Variants in FGD5 observed in about 807,000 individuals in gnomAD.
The protein encoded by FGD5 is FYVE, RhoGEF and PH domain-containing protein 5.
Under a neutral mutation model 133.4 loss-of-function variants are expected in FGD5, and 28 were observed. The observed-to-expected ratio is 0.21, with a 90% confidence interval of 0.16 to 0.29. FGD5 has a LOEUF of 0.29. Among genes scored for constraint, FGD5 ranks in the 10% least tolerant of loss-of-function variants. The probability of loss-of-function intolerance (pLI) is 1.00; values close to 1 mark genes in which losing one functional copy is unlikely to be tolerated. For synonymous variants in FGD5, 810 were observed against 776.5 expected (o/e 1.04, Z -0.72); for missense variants, 1,858 against 1,895.2 (o/e 0.98, Z 0.36).
At chr3:14,844,599 C>T (rs745790746) in intron 1 of FGD5, among the ~76,000 whole-genome samples, 43 of 151,964 alleles carry the variant, frequency 2.8e-4, no homozygotes, top group Admixed American at 7.2e-4. Flanking sequence ...AGGTAGGTTG[C>T]GGTGCTGAAT....
At chr3:14,823,538 T>C (rs2036544812) in intron 1 of FGD5, among the ~76,000 whole-genome samples, 1 of 152,222 alleles carries the variant, frequency 6.6e-6, no homozygotes. Context: ...GTTTTATAGC[T>C]GGAGGAAACT....
chr3:14,918,348 A>G (rs923111424), intron 12 of FGD5, among the ~76,000 whole-genome samples: 41 of 152,216 alleles, frequency 2.7e-4, no homozygotes, highest in Non-Finnish European at 2.9e-5. Flanking sequence ...TTGATCCTGT[A>G]GGCTCTTTAC....
intron 1 of FGD5, among the ~76,000 whole-genome samples, chr3:14,822,032 G>A (rs972120049): frequency 6.6e-6 from 1 of 151,898 alleles, no homozygotes; most frequent in African/African-American, 2.4e-5. Context: ...CTCGGGAGGC[G>A]GAGGTTGCAG....
At chr3:14,927,339 T>A (rs2038822432) in intron 18 of FGD5, among the ~76,000 whole-genome samples, 2 of 152,092 alleles carry the variant, frequency 1.3e-5, no homozygotes, top group South Asian at 4.2e-4. Context: ...AAAGGTGGAT[T>A]TAGGGGCCTG....
intron 2 of FGD5, among the ~76,000 whole-genome samples, chr3:14,873,959 T>A (rs892713602): frequency 6.6e-6 from 1 of 152,048 alleles, no homozygotes; most frequent in Non-Finnish European, 1.5e-5. Flanking sequence ...TGACCTCAGG[T>A]GATGCACCTG....
chr3:14,901,606 T>C (rs1396867650), intron 9 of FGD5, among the ~76,000 whole-genome samples: 1 of 152,222 alleles, frequency 6.6e-6, no homozygotes, highest in Non-Finnish European at 1.5e-5. Context: ...GCTGTAGGCA[T>C]GCCAGCGCTC....
intron 1 of FGD5, among the ~76,000 whole-genome samples, chr3:14,845,327 G>A (rs1174649438): frequency 2.0e-5 from 3 of 152,218 alleles, no homozygotes; most frequent in Non-Finnish European, 4.4e-5. Flanking sequence ...AAAGGTTTAA[G>A]TTGAAACTAC....
chr3:14,862,426 T>C (rs1054199324), intron 1 of FGD5, among the ~76,000 whole-genome samples: 3 of 152,088 alleles, frequency 2.0e-5, no homozygotes, highest in Non-Finnish European at 2.9e-5. Context: ...AACAGGTGAG[T>C]TGTCCCTGAC....
chr3:14,887,032 G>T (rs181094570), intron 4 of FGD5, among the ~76,000 whole-genome samples: 10 of 152,330 alleles, frequency 6.6e-5, no homozygotes, highest in African/African-American at 2.4e-4. Context: ...GGGGTGTTCT[G>T]TGGATGCTGC....
intron 1 of FGD5, among the ~76,000 whole-genome samples, chr3:14,843,123 A>G (rs893882224): frequency 6.6e-6 from 1 of 152,004 alleles, no homozygotes; most frequent in Non-Finnish European, 1.5e-5. Context: ...TGAGTTGCTT[A>G]TTTTCTCATG....
At chr3:14,855,317 T>A (rs1473091554) in intron 1 of FGD5, among the ~76,000 whole-genome samples, 1 of 152,042 alleles carries the variant, frequency 6.6e-6, no homozygotes, top group East Asian at 1.9e-4. Flanking sequence ...GCAGTAAAGA[T>A]GGAGGTGTAG....
intron 2 of FGD5, among the ~76,000 whole-genome samples, chr3:14,871,961 G>C (rs2037616815): frequency 6.6e-6 from 1 of 152,220 alleles, no homozygotes; most frequent in Admixed American, 6.5e-5. Flanking sequence ...GCATCTGGGG[G>C]ATCATTAGAA....
rs865879851 is a variant in FGD5, at chr3:14,924,897, C to T, written c.4068+759C>T. Among the ~76,000 whole-genome samples the T allele has an allele frequency of 4.6e-5, 7 of 151,918 alleles. No individual in the cohort carries two copies. In the East Asian group the frequency reaches 7.7e-4, roughly 17 times the overall value. ...TGGGCAGATCACGAGGTCGGGAGATCCAGACCATCTTGGCTAACACAGTGA... is the reference window on the plus strand; with the variant it reads ...TGGGCAGATCACGAGGTCGGGAGATTCAGACCATCTTGGCTAACACAGTGA... On this transcript the variant is annotated intron_variant, in intron 17 of 19. Transcript: ENST00000285046.
chr3:14,899,835 C>A (rs763954274), intron 7 of FGD5, among the ~76,000 whole-genome samples: 1 of 152,134 alleles, frequency 6.6e-6, no homozygotes, highest in Non-Finnish European at 1.5e-5. Context: ...TCTGAGGAGG[C>A]GGCATTGGAC....
At chr3:14,814,133 T>C (rs2036335870), upstream of FGD5, among the ~76,000 whole-genome samples, 1 of 152,064 alleles carries the variant, frequency 6.6e-6, no homozygotes, top group Non-Finnish European at 1.5e-5. Flanking sequence ...GGCTCCGTGA[T>C]ACAAGGAGAG....
rs373921152 is a variant in FGD5 at position 14,917,535 on chromosome 3, T to G, written c.3489+203T>G. ...TGGAGGGCTTCTTGGAAGAGGAGAC[T>G]GAACCCTTAGAGTGGATAATATTTG... On this transcript the variant is annotated intron_variant, in intron 12 of 19. Coordinates refer to ENST00000285046, the MANE Select transcript of FGD5 (RefSeq NM_152536.4). This position sits in a 1 kb window ranked among gnomAD's most constrained non-coding sequence, Gnocchi z 4.1. Among the ~76,000 whole-genome samples, 9 of 151,930 alleles carry G rather than the reference T, an allele frequency of 5.9e-5. No individual in the cohort carries two copies. The highest frequency in any genetic ancestry group is 1.9e-4 in the African/African-American group (8 of 41,382).
chr3:14,874,774 C>T (rs2037684157), intron 2 of FGD5, among the ~76,000 whole-genome samples: 1 of 152,212 alleles, frequency 6.6e-6, no homozygotes, highest in South Asian at 2.1e-4. Context: ...GTAGCCAGAA[C>T]CAAAGATCTC....
At chr3:14,867,815 A>G (rs1280775648) in intron 2 of FGD5, among the ~76,000 whole-genome samples, 1 of 152,218 alleles carries the variant, frequency 6.6e-6, no homozygotes, top group East Asian at 1.9e-4. Context: ...CCCTAGTCAC[A>G]TCGTGTGGGA....
intron 11 of FGD5, among the ~76,000 whole-genome samples, chr3:14,915,963 C>G (rs1411770883): frequency 6.6e-6 from 1 of 152,200 alleles, no homozygotes; most frequent in African/African-American, 2.4e-5. Flanking sequence ...AGGGCTCACC[C>G]TGGTTCATGT....
Sources: gnomAD v4.1 joint callset for allele counts (sites outside exome capture counted in the v4.1 genomes callset) on GRCh38, gnomAD v4.1.1 for gene constraint, Gnocchi (gnomAD v3.1) non-coding constraint, MANE v1.5 for transcripts, NCBI Gene and HGNC (gene_info 2026-07-23, HGNC 2026-07-21) for gene names.